Variants in PTGES2 observed in about 807,000 individuals in gnomAD.
PTGES2 encodes the protein GATE-binding factor 1.
Under a neutral mutation model 44.5 loss-of-function variants are expected in PTGES2, and 35 were observed. The observed-to-expected ratio is 0.79, with a 90% CI of 0.60 to 1.04. The LOEUF (loss-of-function observed/expected upper bound fraction) is 1.04. Among genes scored for constraint, PTGES2 ranks in the 50% least tolerant of loss-of-function variants. PTGES2 has a pLI of 0.00. For missense variants in PTGES2, 517 were observed against 521.4 expected (o/e 0.99, Z 0.08); for synonymous variants, 221 against 227.5 (o/e 0.97, Z 0.26).
At chr9:128,126,610 G>A (rs1168889912) in intron 1 of PTGES2, among the ~76,000 whole-genome samples, 1 of 152,160 alleles carries the variant, frequency 6.6e-6, no homozygotes, top group Non-Finnish European at 1.5e-5. Context: ...TGTAATCCCA[G>A]CACTTTGGGA....
In PTGES2 at chr9:128,122,482, G is replaced by C. The variant is rs994337306; in HGVS notation, c.888-3C>G. ...GCACGTTGTCCTGGAGGCGGTGCCT[G>C]GGCGGGGAAGGGAAAAGCCCCTCAG... On this transcript the variant is annotated splice_polypyrimidine_tract_variant and splice_region_variant and intron_variant, in intron 5 of 6. Coordinates refer to ENST00000338961, the MANE Select transcript of PTGES2 (RefSeq NM_025072.7). 2 of 1,612,834 alleles carry C rather than the reference G, an allele frequency of 1.2e-6. No homozygotes were observed. Among genetic ancestry groups the C allele is most frequent in the Non-Finnish European group, 1.7e-6 (2 of 1,179,046 alleles).
At chr9:128,122,854 G>C in intron 5 of PTGES2, 80 bp downstream of exon 5, 1 of 1,474,982 alleles carries the variant, frequency 6.8e-7, no homozygotes, top group Non-Finnish European at 9.4e-7. Flanking sequence ...CTGGTCTCCT[G>C]AGGGGTGTGA....
chr9:128,121,856 C>T (rs1208015118), intron 6 of PTGES2, among the ~76,000 whole-genome samples: 1 of 151,814 alleles, frequency 6.6e-6, no homozygotes, highest in African/African-American at 2.4e-5. Flanking sequence ...GAGGTTGCAG[C>T]GAGCCAAGAC....
chr9:128,126,462 T>A (rs1455488856), intron 1 of PTGES2, among the ~76,000 whole-genome samples: 2 of 152,070 alleles, frequency 1.3e-5, no homozygotes, highest in Non-Finnish European at 2.9e-5. Context: ...ATACACAGCC[T>A]TAGGATTTGG....
rs1323376901 is a variant in PTGES2, at chr9:128,121,014, T to C, written c.*131A>G. The C allele has an allele frequency of 3.3e-6, 4 of 1,195,568 alleles. No homozygotes were observed. Among genetic ancestry groups the C allele is most frequent in the Non-Finnish European group, 3.5e-6 (3 of 856,240 alleles). 74.1% of individuals were successfully genotyped at this position (1,195,568 alleles called of 1,614,324 possible). A position where few individuals can be genotyped will look rare whatever the true frequency, so the allele number is the denominator to read the frequency against. ...TGCCCTGTGTTAGAAGCGAGAGGGC[T>C]GGTGGGGGTGCGTGGACAAGGGGCA... On this transcript the variant is annotated 3_prime_UTR_variant, in exon 7 of 7. Coordinates refer to ENST00000338961, the MANE Select transcript of PTGES2 (RefSeq NM_025072.7).
In PTGES2 at chr9:128,120,927, G is replaced by C; in HGVS notation, c.*218C>G. 1.7e-6 allele frequency: 1 copy of C among 579,212 alleles called. No homozygotes were observed. The highest frequency in any genetic ancestry group is 2.3e-5 in the South Asian group (1 of 43,670). The allele number at this position is 579,212 out of a possible 1,614,324, so 35.9% of individuals were successfully genotyped here. On this transcript the variant is annotated 3_prime_UTR_variant, in exon 7 of 7. Transcript: ENST00000338961. ...AGAGCAGGGAGGCAGGGACAGGGAG[G>C]GGTCGCCCCAGGGCAGTGGCAGGGC...
intron 5 of PTGES2, 80 bp downstream of exon 5, chr9:128,122,854 G>A: frequency 1.4e-6 from 2 of 1,474,982 alleles, no homozygotes; most frequent in Non-Finnish European, 1.9e-6. Context: ...CTGGTCTCCT[G>A]AGGGGTGTGA....
At chr9:128,125,542 G>A in intron 1 of PTGES2, 101 bp from the exon 2 acceptor site, 1 of 1,064,424 alleles carries the variant, frequency 9.4e-7, no homozygotes, top group Non-Finnish European at 1.4e-6. Flanking sequence ...AATGACGCTA[G>A]AACATCGGGA....
intron 1 of PTGES2, among the ~76,000 whole-genome samples, chr9:128,127,219 G>A (rs1036408133): frequency 1.8e-5 from 2 of 112,526 alleles, no homozygotes; most frequent in African/African-American, 6.0e-5. Context: ...AAAAACCACG[G>A]TAGAAGAACG....
At chr9:128,124,233 G>T (rs188007622) in intron 3 of PTGES2, 1 of 388,810 alleles carries the variant, frequency 2.6e-6, no homozygotes, top group Non-Finnish European at 4.8e-6. Context: ...ACAGGCACTC[G>T]CCACTATGCC....
Position 128,122,945 on chromosome 9 carries a change from T to G in PTGES2, c.876A>C (p.Arg292=). 1 of 1,613,894 alleles carries G rather than the reference T, an allele frequency of 6.2e-7. No homozygotes were observed. The highest frequency in any genetic ancestry group is 8.5e-7 in the Non-Finnish European group (1 of 1,179,978). The change falls in exon 5 of 7, where the codon CGA becomes CGC. Residue 292 remains arginine, a synonymous_variant. Transcript: ENST00000338961. ...GCACACACACTTGCCTGCTCTTGAG[T>G]CGCTTGCTGATGAGGTACATGGCCG... The part of the protein sequence containing the change: ...GAAAMYLISK[R]LKSRHRLQDN...
rs1257948405 is a variant in PTGES2 at position 128,120,931 on chromosome 9, C to T, written c.*214G>A. The T allele has an allele frequency of 1.5e-5, 9 of 586,252 alleles. No individual in the cohort carries two copies. Among genetic ancestry groups the T allele is most frequent in the Admixed American group, 3.4e-5 (1 of 29,212 alleles). 36.3% of individuals were successfully genotyped at this position (586,252 alleles called of 1,614,324 possible). On this transcript the variant is annotated 3_prime_UTR_variant, in exon 7 of 7. Transcript: ENST00000338961. ...CAGGGAGGCAGGGACAGGGAGGGGT[C>T]GCCCCAGGGCAGTGGCAGGGCTGGA...
chr9:128,124,425 CA>C (rs1834540344), intron 3 of PTGES2, 66 bp downstream of exon 3: 3 of 1,460,552 alleles, frequency 2.1e-6, no homozygotes, highest in South Asian at 2.3e-5. Context: ...GGAGGGAACT[CA>C]GGGGAGGCCT....
upstream of PTGES2, chr9:128,127,876 G>A (rs1330125011): frequency 1.5e-5 from 11 of 743,404 alleles, no homozygotes; most frequent in Non-Finnish European, 2.0e-5. Context: ...TGTGCCCGGC[G>A]CCCAAGTTCG....
chr9:128,121,005 CGA>C lies in PTGES2; in HGVS notation c.*138_*139del. The C allele has an allele frequency of 8.9e-7, 1 of 1,122,884 alleles. No homozygotes were observed. Among genetic ancestry groups the C allele is most frequent in the Non-Finnish European group, 1.3e-6 (1 of 795,346 alleles). 69.6% of individuals were successfully genotyped at this position (1,122,884 alleles called of 1,614,324 possible). ...CCCAGCAGGTGCCCTGTGTTAGAAG[CGA>C]GAGGGCTGGTGGGGGTGCGTGGACA... On this transcript the variant is annotated 3_prime_UTR_variant, in exon 7 of 7. Coordinates refer to ENST00000338961, the MANE Select transcript of PTGES2 (RefSeq NM_025072.7).
Position 128,127,516 on chromosome 9 carries a change from C to T in PTGES2, c.202G>A (p.Gly68Arg). Residue 68 changes from glycine (G) to arginine (R), a missense_variant, in exon 1 of 7, where the codon GGA becomes AGA. Gly to Arg is a moderately radical substitution (Grantham distance 125). Coordinates refer to ENST00000338961, the MANE Select transcript of PTGES2 (RefSeq NM_025072.7). ...GCCGTGTGGTACAGCCCCAGGGCTC[C>T]CCCCAGGGCCAGCGCCGCAGCTCCC... ...LLGAAALALGGALGLYHTARW... is the reference protein window; with the variant it reads ...LLGAAALALGRALGLYHTARW... 7.5e-7 allele frequency: 1 copy of T among 1,326,388 alleles called. No homozygotes were observed. Among genetic ancestry groups the T allele is most frequent in the Non-Finnish European group, 9.6e-7 (1 of 1,037,110 alleles). 82.2% of individuals were successfully genotyped at this position (1,326,388 alleles called of 1,614,324 possible).
chr9:128,123,678 C>T lies in PTGES2; in HGVS notation c.686+24G>A. On this transcript the variant is annotated intron_variant, in intron 4 of 6. Coordinates refer to ENST00000338961, the MANE Select transcript of PTGES2 (RefSeq NM_025072.7). This position sits in a 1 kb window ranked among gnomAD's most constrained non-coding sequence, Gnocchi z 4.4. ...AAGACCCCTGCGGTCACCACCTTCC[C>T]CCGCCAGCCCCAGCCCCACTCACGT... The T allele has an allele frequency of 6.2e-7, 1 of 1,602,416 alleles. No homozygotes were observed. The highest frequency in any genetic ancestry group is 8.5e-7 in the Non-Finnish European group (1 of 1,172,670).
rs547206359 is a variant in PTGES2 at position 128,124,853 on chromosome 9, C to A, written c.478-303G>T. The A allele has an allele frequency of 5.8e-4, 727 of 1,254,880 alleles. 1 individual carries two copies. The highest frequency in any genetic ancestry group is 6.8e-4 in the Non-Finnish European group (676 of 991,132). The allele number at this position is 1,254,880 out of a possible 1,614,324, so 77.7% of individuals were successfully genotyped here. ...ACTAGACCCCAAGCACTGTGCCAGG[C>A]ATTTCATATCTGCCGTCCCTGCAAG... On this transcript the variant is annotated intron_variant, in intron 2 of 6. Coordinates refer to ENST00000338961, the MANE Select transcript of PTGES2 (RefSeq NM_025072.7).
chr9:128,126,552 CAA>C (rs778112894), intron 1 of PTGES2, among the ~76,000 whole-genome samples: 1 of 152,054 alleles, frequency 6.6e-6, no homozygotes, highest in Non-Finnish European at 1.5e-5. Context: ...ATCTCTTAAT[CAA>C]AAAAGTCTTA....
Sources: allele counts gnomAD v4.1 joint callset (sites outside exome capture counted in the v4.1 genomes callset), GRCh38; gene constraint gnomAD v4.1.1; non-coding constraint Gnocchi (gnomAD v3.1); transcripts MANE v1.5; gene names NCBI Gene and HGNC (gene_info 2026-07-23, HGNC 2026-07-21).